The following NUDT4 variants were observed in gnomAD, a reference collection of about 807,000 sequenced individuals.
The protein encoded by NUDT4 is nudix hydrolase 4.
NUDT4 carries 5 observed loss-of-function variants against 23.1 expected under a neutral mutation model. The ratio of observed to expected loss-of-function variants is 0.22; its 90% CI spans 0.11 to 0.46. The LOEUF is 0.46. Among genes scored for constraint, NUDT4 ranks in the 20% least tolerant of loss-of-function variants. NUDT4 has a pLI of 0.99. For synonymous variants in NUDT4, 50 were observed against 79.0 expected (o/e 0.63, Z 1.95); for missense variants, 96 against 211.6 (o/e 0.45, Z 3.39).
chr12:93,382,234 A>G (rs921407332), intron 1 of NUDT4, among the ~76,000 whole-genome samples: 1 of 149,580 alleles, frequency 6.7e-6, no homozygotes, highest in Non-Finnish European at 1.5e-5. Context: ...ATTGCACTCC[A>G]GCCTGGGCAA....
chr12:93,398,666 C>T (rs906335828), intron 3 of NUDT4, 105 bp from the exon 4 acceptor site: 26 of 689,184 alleles, frequency 3.8e-5, no homozygotes, highest in Middle Eastern at 2.4e-4. Flanking sequence ...CTGGGAAATA[C>T]GCTATGCTAA....
At chr12:93,395,461 C>T in intron 2 of NUDT4, 28 bp from the exon 3 acceptor site, 1 of 1,540,202 alleles carries the variant, frequency 6.5e-7, no homozygotes, top group Non-Finnish European at 9.0e-7. Context: ...AAAAGGTAAA[C>T]ATTTTATATT....
intron 1 of NUDT4, among the ~76,000 whole-genome samples, chr12:93,381,389 T>G (rs924607893): frequency 3.3e-5 from 5 of 152,232 alleles, no homozygotes; most frequent in Admixed American, 3.3e-4. Flanking sequence ...GGTACTGTGC[T>G]TGTACAGTGA....
rs2121033892 is a variant in NUDT4, at chr12:93,405,723, T to C, written c.*6344T>C. On this transcript the variant is annotated 3_prime_UTR_variant, in exon 5 of 5. Transcript: ENST00000415493. ...GACAGATTTTTATTATTTACACTTC[T>C]CTCAAATTATTACATTCAGCATGTT... 6.6e-6 allele frequency: 1 copy of C among 152,330 alleles called. No individual in the cohort carries two copies. The highest frequency in any genetic ancestry group is 2.1e-4 in the South Asian group (1 of 4,830). The allele number at this position is 152,330 out of a possible 1,614,324, so 9.4% of individuals were successfully genotyped here. A position where few individuals can be genotyped will look rare whatever the true frequency, so the allele number is the denominator to read the frequency against.
In NUDT4 at chr12:93,407,999, C is replaced by T. The variant is rs916193374; in HGVS notation, c.*8620C>T. 1 of 152,212 alleles carries T rather than the reference C, an allele frequency of 6.6e-6. No individual in the cohort carries two copies. The highest frequency in any genetic ancestry group is 1.5e-5 in the Non-Finnish European group (1 of 68,040). The allele number at this position is 152,212 out of a possible 1,614,324, so 9.4% of individuals were successfully genotyped here. A position where few individuals can be genotyped will look rare whatever the true frequency, so the allele number is the denominator to read the frequency against. On this transcript the variant is annotated 3_prime_UTR_variant, in exon 5 of 5. Transcript: ENST00000415493. ...CTTATTTCTGTACTTCTATAACTCA[C>T]AAATTTAGCAGACATCATTTAGACA...
intron 3 of NUDT4, among the ~76,000 whole-genome samples, chr12:93,397,996 G>A (rs1752009043): frequency 6.6e-6 from 1 of 152,020 alleles, no homozygotes; most frequent in South Asian, 2.1e-4. Context: ...GGGAATGCAG[G>A]TCTATTATTT....
intron 2 of NUDT4, 35 bp downstream of exon 2, chr12:93,394,754 G>A (rs776321324): frequency 4.3e-6 from 6 of 1,404,348 alleles, no homozygotes; most frequent in South Asian, 3.7e-5. Flanking sequence ...CTGTTTCGGA[G>A]TTTTAAAAAC....
chr12:93,395,199 T>C (rs1438448800), intron 2 of NUDT4, among the ~76,000 whole-genome samples: 1 of 152,212 alleles, frequency 6.6e-6, no homozygotes, highest in Admixed American at 6.6e-5. Flanking sequence ...TTGGCCAGGC[T>C]GGTCTCGAAC....
At position 93,406,800 on chromosome 12, in the gene NUDT4, G is replaced by A. The variant is rs981624942; in HGVS notation, c.*7421G>A. 3.9e-5 allele frequency: 6 copies of A among 152,264 alleles called. No homozygotes were observed. The highest frequency in any genetic ancestry group is 9.6e-5 in the African/African-American group (4 of 41,546). The allele number at this position is 152,264 out of a possible 1,614,324, so 9.4% of individuals were successfully genotyped here. ...TTATTCCAGAGACTTGAGCATCTGCGAATTTGGATATCCAAAGGAAGTCCT... is the reference window on the plus strand; with the variant it reads ...TTATTCCAGAGACTTGAGCATCTGCAAATTTGGATATCCAAAGGAAGTCCT... On this transcript the variant is annotated 3_prime_UTR_variant, in exon 5 of 5. Coordinates refer to ENST00000415493, the MANE Select transcript of NUDT4 (RefSeq NM_019094.6).
At chr12:93,389,668 C>T (rs907891504) in intron 1 of NUDT4, among the ~76,000 whole-genome samples, 3 of 151,384 alleles carry the variant, frequency 2.0e-5, no homozygotes, top group African/African-American at 4.8e-5. Context: ...TTTGGGAGGC[C>T]GAGGCAGGTG....
At chr12:93,388,002 C>A (rs1219555739) in intron 1 of NUDT4, among the ~76,000 whole-genome samples, 2 of 152,128 alleles carry the variant, frequency 1.3e-5, no homozygotes, top group Admixed American at 6.6e-5. Flanking sequence ...TTTGAACACT[C>A]AAATGAACTA....
intron 3 of NUDT4, among the ~76,000 whole-genome samples, chr12:93,398,065 A>G (rs982684872): frequency 3.3e-5 from 5 of 151,886 alleles, no homozygotes; most frequent in Admixed American, 6.6e-5. Flanking sequence ...CAGATAGGCC[A>G]GGTAAGGTGG....
chr12:93,378,541 C>T lies in NUDT4; in HGVS notation c.99+120C>T, dbSNP rs530421010. On this transcript the variant is annotated intron_variant, in intron 1 of 4. Transcript: ENST00000415493. ...GCTGGGAGGGATTAGCCCCCTTCCTCCCTCCCTCCTTTCCTCCCTCACTCC... is the reference window on the plus strand; with the variant it reads ...GCTGGGAGGGATTAGCCCCCTTCCTTCCTCCCTCCTTTCCTCCCTCACTCC... The T allele has an allele frequency of 1.8e-3, 2,337 of 1,292,216 alleles. 5 individuals are homozygous for T. Among genetic ancestry groups the T allele is most frequent in the Non-Finnish European group, 2.2e-3 (2,172 of 997,212 alleles). 80.0% of individuals were successfully genotyped at this position (1,292,216 alleles called of 1,614,324 possible).
rs1877551959 is a variant in NUDT4, at chr12:93,402,737, G to C, written c.*3358G>C. On this transcript the variant is annotated 3_prime_UTR_variant, in exon 5 of 5. Coordinates refer to ENST00000415493, the MANE Select transcript of NUDT4 (RefSeq NM_019094.6). ...CGTGGAGTTGTGTCATTATTTTAAT[G>C]AATGTGAGCTCTTGACTTACTCTAG... The C allele has an allele frequency of 6.6e-6, 1 of 152,106 alleles. No homozygotes were observed. The highest frequency in any genetic ancestry group is 1.5e-5 in the Non-Finnish European group (1 of 68,044). The allele number at this position is 152,106 out of a possible 1,614,324, so 9.4% of individuals were successfully genotyped here.
In NUDT4 at chr12:93,406,882, C is replaced by T. The variant is rs1877851209; in HGVS notation, c.*7503C>T. 1 of 152,220 alleles carries T rather than the reference C, an allele frequency of 6.6e-6. No homozygotes were observed. Among genetic ancestry groups the T allele is most frequent in the Admixed American group, 6.5e-5 (1 of 15,288 alleles). The allele number at this position is 152,220 out of a possible 1,614,324, so 9.4% of individuals were successfully genotyped here. A position where few individuals can be genotyped will look rare whatever the true frequency, so the allele number is the denominator to read the frequency against. On this transcript the variant is annotated 3_prime_UTR_variant, in exon 5 of 5. Transcript: ENST00000415493. ...ACTTTACTTTAGACCTAAGATCTTG[C>T]TAGACAGCCTTTGAGAGGATGAAGG...
At chr12:93,392,690 G>A (rs1241471871) in intron 1 of NUDT4, among the ~76,000 whole-genome samples, 2 of 81,842 alleles carry the variant, frequency 2.4e-5, no homozygotes, top group Non-Finnish European at 4.6e-5. Flanking sequence ...TTTTTCCCCC[G>A]AGATGGAGTC....
At chr12:93,382,810 C>T (rs921873692) in intron 1 of NUDT4, among the ~76,000 whole-genome samples, 14 of 151,754 alleles carry the variant, frequency 9.2e-5, no homozygotes, top group South Asian at 4.2e-4. Context: ...TACAGGCAGC[C>T]GCCACCATAC....
Position 93,395,387 on chromosome 12 carries a change from T to C in NUDT4, c.211-102T>C, listed in dbSNP as rs550611318. 98 of 808,766 alleles carry C rather than the reference T, an allele frequency of 1.2e-4. No homozygotes were observed. The East Asian group carries it at 2.5e-3, about 21-fold the overall frequency. The allele number at this position is 808,766 out of a possible 1,614,324, so 50.1% of individuals were successfully genotyped here. A position where few individuals can be genotyped will look rare whatever the true frequency, so the allele number is the denominator to read the frequency against. Reference sequence around the variant, plus strand: ...AGTGAGTTGGTATGGGGAGGGGTATTGTATTTAATTAGATTTAAGTAAATA... The same window carrying C: ...AGTGAGTTGGTATGGGGAGGGGTATCGTATTTAATTAGATTTAAGTAAATA... On this transcript the variant is annotated intron_variant, in intron 2 of 4. Transcript: ENST00000415493.
intron 1 of NUDT4, among the ~76,000 whole-genome samples, chr12:93,385,987 CT>C: frequency 1.5e-5 from 1 of 66,748 alleles, no homozygotes; most frequent in Non-Finnish European, 3.1e-5. Context: ...TTTTTTTTTT[CT>C]TTTTGAGATA....
Sources: gnomAD v4.1 joint callset for allele counts (sites outside exome capture counted in the v4.1 genomes callset) on GRCh38, gnomAD v4.1.1 for gene constraint, MANE v1.5 for transcripts, NCBI Gene and HGNC (gene_info 2026-07-23, HGNC 2026-07-21) for gene names.